Variants in TNIP3 observed in about 807,000 individuals in gnomAD.
TNIP3 encodes TNFAIP3 interacting protein 3.
In TNIP3, 34 loss-of-function variants were observed where a neutral mutation model predicts 54.1. The observed-to-expected ratio is 0.63, with a 90% CI of 0.48 to 0.84. The LOEUF is 0.84. Ranked by LOEUF, TNIP3 falls within the 40% of genes least tolerant of loss-of-function variation. The pLI is 0.00. For missense variants in TNIP3, 366 were observed against 387.6 expected (o/e 0.94, Z 0.47); for synonymous variants, 134 against 136.8 (o/e 0.98, Z 0.14).
chr4:121,192,367 A>T (rs1725348233), intron 2 of TNIP3, among the ~76,000 whole-genome samples: 1 of 152,220 alleles, frequency 6.6e-6, no homozygotes, highest in African/African-American at 2.4e-5. Context: ...GTCCCTTCTC[A>T]TCTCTGATGG....
chr4:121,146,464 T>C (rs116438343), intron 7 of TNIP3, among the ~76,000 whole-genome samples: 108 of 152,306 alleles, frequency 7.1e-4, no homozygotes, highest in African/African-American at 2.5e-3. Flanking sequence ...TATTTACCCA[T>C]CGTGGCAACT....
chr4:121,164,914 A>ATGC (rs1730671303), upstream of TNIP3, among the ~76,000 whole-genome samples: 1 of 152,022 alleles, frequency 6.6e-6, no homozygotes, highest in Non-Finnish European at 1.5e-5. Flanking sequence ...TTTCACTTTA[A>ATGC]TTATTTGACT....
chr4:121,220,095 T>C (rs1232383359), upstream of TNIP3, among the ~76,000 whole-genome samples: 1 of 152,174 alleles, frequency 6.6e-6, no homozygotes, highest in African/African-American at 2.4e-5. Flanking sequence ...TATGTGTACA[T>C]TCACATGCTT....
At chr4:121,186,063 G>A (rs149296115) in intron 2 of TNIP3, among the ~76,000 whole-genome samples, 13 of 152,302 alleles carry the variant, frequency 8.5e-5, no homozygotes, top group African/African-American at 2.2e-4. Context: ...CGTCCCTCAG[G>A]ACCACAACCA....
At chr4:121,185,798 G>A (rs761616912) in intron 2 of TNIP3, among the ~76,000 whole-genome samples, 2 of 152,190 alleles carry the variant, frequency 1.3e-5, no homozygotes, top group Non-Finnish European at 2.9e-5. Context: ...TGCCCTCATG[G>A]CTGCCTTGTT....
At chr4:121,166,047 G>A (rs1219098179), upstream of TNIP3, among the ~76,000 whole-genome samples, 1 of 152,160 alleles carries the variant, frequency 6.6e-6, no homozygotes, top group African/African-American at 2.4e-5. Context: ...TGGTAACATT[G>A]ACCTAGAAAA....
chr4:121,208,540 C>T (rs1177352065), intron 2 of TNIP3, among the ~76,000 whole-genome samples: 1 of 152,158 alleles, frequency 6.6e-6, no homozygotes, highest in Non-Finnish European at 1.5e-5. Context: ...TAGCCCTGAT[C>T]CCTGAATTTT....
intron 8 of TNIP3, 49 bp downstream of exon 8, chr4:121,142,677 A>C: frequency 6.6e-7 from 1 of 1,514,672 alleles, no homozygotes. Flanking sequence ...GACAATGAGA[A>C]ATGCTGTACA....
rs745846933 is a variant in TNIP3, at chr4:121,154,641, C to T, written c.402G>A (p.Leu134=). 1.9e-6 allele frequency: 3 copies of T among 1,612,148 alleles called. No individual in the cohort carries two copies. The highest frequency in any genetic ancestry group is 2.5e-6 in the Non-Finnish European group (3 of 1,179,492). Residue 134 remains leucine, a synonymous_variant, in exon 5 of 11, where the codon TTG becomes TTA. Transcript: ENST00000057513. ...CCTTTAAAAGTTTATTCTCTTCTTT[C>T]AATTCATGTAATTCTTCATTTAGGC... The part of the protein sequence containing the change: ...KERLNEELHE[L]KEENKLLKGK...
At chr4:121,169,688 C>A (rs1294942012) in intron 3 of TNIP3, among the ~76,000 whole-genome samples, 1 of 152,172 alleles carries the variant, frequency 6.6e-6, no homozygotes, top group Non-Finnish European at 1.5e-5. Context: ...TAAATGGGAT[C>A]TAAAGATCAG....
At chr4:121,155,735 C>T (rs1314615602) in intron 4 of TNIP3, among the ~76,000 whole-genome samples, 2 of 152,008 alleles carry the variant, frequency 1.3e-5, no homozygotes, top group Non-Finnish European at 2.9e-5. Context: ...GAGATTTTAA[C>T]CCAGTAAAAT....
chr4:121,165,568 C>A (rs112763488), upstream of TNIP3, among the ~76,000 whole-genome samples: 3,854 of 152,162 alleles, frequency 0.025, 158 homozygotes, highest in African/African-American at 0.087. Context: ...AGCTGTCTGG[C>A]ACACAGCAGG....
chr4:121,182,887 T>A, intron 2 of TNIP3: 1 of 1,301,922 alleles, frequency 7.7e-7, no homozygotes, highest in East Asian at 2.5e-5. Flanking sequence ...CATGGAGGTG[T>A]TATTTATGTA....
intron 2 of TNIP3, among the ~76,000 whole-genome samples, chr4:121,209,287 G>A (rs1413472195): frequency 6.6e-6 from 1 of 152,186 alleles, no homozygotes; most frequent in Non-Finnish European, 1.5e-5. Flanking sequence ...CCAAACCTGA[G>A]GATGGGGTTG....
At chr4:121,169,266 C>T (rs1355106088), upstream of TNIP3, among the ~76,000 whole-genome samples, 5 of 152,128 alleles carry the variant, frequency 3.3e-5, no homozygotes, top group Non-Finnish European at 7.4e-5. Context: ...CACACCGTTG[C>T]CCCTTGAACT....
At chr4:121,201,368 C>T (rs1194444276) in intron 2 of TNIP3, among the ~76,000 whole-genome samples, 2 of 152,110 alleles carry the variant, frequency 1.3e-5, no homozygotes, top group East Asian at 1.9e-4. Context: ...CATCTTGTTA[C>T]TAGGCATTGT....
intron 3 of TNIP3, among the ~76,000 whole-genome samples, chr4:121,157,681 C>G (rs113102685): frequency 7.2e-5 from 11 of 152,282 alleles, no homozygotes; most frequent in South Asian, 4.2e-4. Flanking sequence ...ATTTGCAGCA[C>G]TTGACCTCCT....
intron 2 of TNIP3, among the ~76,000 whole-genome samples, chr4:121,198,076 A>T (rs1725696563): frequency 6.6e-6 from 1 of 152,160 alleles, no homozygotes; most frequent in Non-Finnish European, 1.5e-5. Flanking sequence ...TGCGGATAAT[A>T]GATGTGTTTC....
At chr4:121,172,980 G>T (rs185866596) in intron 3 of TNIP3, among the ~76,000 whole-genome samples, 1 of 152,156 alleles carries the variant, frequency 6.6e-6, no homozygotes, top group South Asian at 2.1e-4. Flanking sequence ...TAACAGCCCC[G>T]TAAGAAGAGG....
Sources: allele counts gnomAD v4.1 joint callset (sites outside exome capture counted in the v4.1 genomes callset), GRCh38; gene constraint gnomAD v4.1.1; transcripts MANE v1.5; gene names NCBI Gene and HGNC (gene_info 2026-07-23, HGNC 2026-07-21).